Variants in MYO9B observed in about 807,000 individuals in gnomAD.
MYO9B encodes myosin IXB, also known as unconventional myosin-IXb.
A neutral mutation model predicts 229.5 loss-of-function variants in MYO9B; 71 were observed. The observed-to-expected ratio is 0.31, with a 90% confidence interval of 0.26 to 0.38. The LOEUF (loss-of-function observed/expected upper bound fraction) is 0.38, where lower values mean the gene tolerates loss of function less well. Among genes scored for constraint, MYO9B ranks in the 10% least tolerant of loss-of-function variants. The pLI, the probability that MYO9B is intolerant of heterozygous loss-of-function variation, is 1.00. For synonymous variants in MYO9B, 1,185 were observed against 1,235.8 expected (o/e 0.96, Z 0.86); for missense variants, 2,255 against 2,920.5 (o/e 0.77, Z 5.25).
At chr19:17,118,330 C>G (rs1281634715) in intron 2 of MYO9B, among the ~76,000 whole-genome samples, 2 of 151,350 alleles carry the variant, frequency 1.3e-5, no homozygotes, top group Non-Finnish European at 2.9e-5. Context: ...GGCCGGGAGC[C>G]ATGGCTCACG....
In MYO9B at chr19:17,195,355, G is replaced by C. The variant is rs775579348; in HGVS notation, c.3928G>C (p.Val1310Leu). 6.2e-7 allele frequency: 1 copy of C among 1,612,038 alleles called. No individual in the cohort carries two copies. Among genetic ancestry groups the C allele is most frequent in the Non-Finnish European group, 8.5e-7 (1 of 1,179,652 alleles). ...GGACGCCGAGCGGCTGGCCAGCGCCGTGGAACTGTGGCGGGGCAAGAAGCT... is the reference window on the plus strand; with the variant it reads ...GGACGCCGAGCGGCTGGCCAGCGCCCTGGAACTGTGGCGGGGCAAGAAGCT... Reference protein sequence around the residue: ...YLDAERLASAVELWRGKKLVA... With the variant: ...YLDAERLASALELWRGKKLVA... The change falls in exon 22 of 40, where the codon GTG becomes CTG. Residue 1310 changes from valine to leucine, a missense_variant. By Grantham distance (32) the Val-to-Leu change is conservative. Transcript: ENST00000682292. The surrounding 1 kb of genome is among the most constrained non-coding windows in gnomAD (Gnocchi z 4.5).
rs866396001 is a variant in MYO9B, at chr19:17,132,559, C to T, written c.841-12838C>T. ...TTTTTTTTTTTTTGAGACAGAGTCT[C>T]GCTCTGTCGCCCAGGCTGAAGTGCA... is the stretch of plus-strand genomic sequence containing the variant. On this transcript the variant is annotated intron_variant, in intron 2 of 39. Coordinates refer to ENST00000682292, the MANE Select transcript of MYO9B (RefSeq NM_004145.4). 2.6e-3 allele frequency among the ~76,000 whole-genome samples: 310 copies of T among 119,164 alleles called. 1 individual carries two copies. Among genetic ancestry groups the T allele is most frequent in the Middle Eastern group, 0.014 (2 of 138 alleles). The allele number at this position is 119,164 out of a possible 152,430, so 78.2% of individuals were successfully genotyped here. A position where few individuals can be genotyped will look rare whatever the true frequency, so the allele number is the denominator to read the frequency against.
chr19:17,129,398 TCAACAACAA>T (rs145485118), intron 2 of MYO9B, among the ~76,000 whole-genome samples: 3 of 151,702 alleles, frequency 2.0e-5, no homozygotes, highest in Non-Finnish European at 2.9e-5. Flanking sequence ...CGAGACAGTT[TCAACAACAA>T]CAACAACAAC....
chr19:17,137,243 A>G (rs1300967809), intron 2 of MYO9B, among the ~76,000 whole-genome samples: 1 of 144,670 alleles, frequency 6.9e-6, no homozygotes, highest in African/African-American at 2.6e-5. Context: ...AAAAAAAAAA[A>G]GCCAGGTGCG....
chr19:17,201,188 G>A (rs565669997), intron 26 of MYO9B, among the ~76,000 whole-genome samples: 1 of 152,278 alleles, frequency 6.6e-6, no homozygotes, highest in Admixed American at 6.5e-5. Context: ...AGCCACGATC[G>A]CAGCACTGCA....
intron 1 of MYO9B, among the ~76,000 whole-genome samples, chr19:17,076,810 C>T (rs773516568): frequency 2.0e-5 from 3 of 152,168 alleles, no homozygotes; most frequent in Non-Finnish European, 4.4e-5. Flanking sequence ...AGTGTGCATG[C>T]ACCCTCATGT....
intron 32 of MYO9B, 23 bp from the exon 33 acceptor site, chr19:17,206,225 G>GTGGGGCCCC: frequency 4.5e-6 from 7 of 1,564,670 alleles, no homozygotes; most frequent in East Asian, 2.4e-5. Context: ...CCGCTCACCA[G>GTGGGGCCCC]ACCCACCCCA....
intron 1 of MYO9B, among the ~76,000 whole-genome samples, chr19:17,099,612 G>C (rs916547019): frequency 6.6e-6 from 1 of 152,070 alleles, no homozygotes; most frequent in Admixed American, 6.5e-5. Context: ...TCAGGAGATA[G>C]AGACCATCCT....
Position 17,200,843 on chromosome 19 carries a change from G to A in MYO9B, c.4563+14G>A. 1 of 1,611,824 alleles carries A rather than the reference G, an allele frequency of 6.2e-7. No individual in the cohort carries two copies. The highest frequency in any genetic ancestry group is 1.1e-5 in the South Asian group (1 of 90,994). ...CTGCTCAACAAGGTGGGATCACTAG[G>A]CGAGGGCCAGGGGCATGAGGCCCGG... On this transcript the variant is annotated intron_variant, in intron 26 of 39. Transcript: ENST00000682292.
Position 17,117,074 on chromosome 19 carries a change from G to A in MYO9B, c.840+14517G>A, listed in dbSNP as rs565536591. ...GAGAAAGTTGATTAAAAGCTGAAGTGTAAGGTCTGGGACACCCCTGCCACA... is the reference window on the plus strand; with the variant it reads ...GAGAAAGTTGATTAAAAGCTGAAGTATAAGGTCTGGGACACCCCTGCCACA... On this transcript the variant is annotated intron_variant, in intron 2 of 39. Transcript: ENST00000682292. Among the ~76,000 whole-genome samples the A allele has an allele frequency of 3.9e-5, 6 of 152,278 alleles. No homozygotes were observed. The South Asian group carries it at 1.0e-3, about 26-fold the overall frequency.
chr19:17,099,428 A>G (rs1377699836), intron 1 of MYO9B: 2 of 152,064 alleles, frequency 1.3e-5, no homozygotes, highest in South Asian at 2.1e-4. Context: ...GATGTTCACT[A>G]TTCAGGCAAT....
intron 2 of MYO9B, among the ~76,000 whole-genome samples, chr19:17,134,038 G>T (rs2072235853): frequency 6.6e-6 from 1 of 152,200 alleles, no homozygotes; most frequent in Non-Finnish European, 1.5e-5. Context: ...TGGGATTACA[G>T]GCGTGAGCCA....
intron 19 of MYO9B, among the ~76,000 whole-genome samples, chr19:17,189,786 G>C (rs143268533): frequency 0.017 from 2,565 of 151,894 alleles, 71 homozygotes; most frequent in African/African-American, 0.058. Context: ...ACTGTTGGCT[G>C]GGCGCAGTGG....
intron 3 of MYO9B, among the ~76,000 whole-genome samples, chr19:17,148,106 A>G (rs1402447553): frequency 6.6e-6 from 1 of 152,128 alleles, no homozygotes; most frequent in South Asian, 2.1e-4. Flanking sequence ...CCGTGGGTCC[A>G]TCTTTTGCAC....
chr19:17,122,028 C>T (rs1020759273), intron 2 of MYO9B, among the ~76,000 whole-genome samples: 1 of 151,764 alleles, frequency 6.6e-6, no homozygotes, highest in Non-Finnish European at 1.5e-5. Flanking sequence ...TGTTCAAGTC[C>T]CTGTGGTTTG....
intron 2 of MYO9B, among the ~76,000 whole-genome samples, chr19:17,114,417 G>C (rs79869295): frequency 0.062 from 9,363 of 151,966 alleles, 308 homozygotes; most frequent in South Asian, 0.11. Flanking sequence ...CCCAGGGGAC[G>C]GTCACTGCTC....
At chr19:17,208,088 G>C (rs73506259) in intron 35 of MYO9B, 1 of 151,978 alleles carries the variant, frequency 6.6e-6, no homozygotes, top group African/African-American at 2.4e-5. Context: ...GGAGGTGGAG[G>C]CTACATTGAG....
At chr19:17,158,828 C>G (rs2072566279) in intron 7 of MYO9B, among the ~76,000 whole-genome samples, 1 of 152,206 alleles carries the variant, frequency 6.6e-6, no homozygotes, top group African/African-American at 2.4e-5. Context: ...CATACACATA[C>G]CCGGGCCACG....
At chr19:17,122,487 AG>A (rs1381258818) in intron 2 of MYO9B, among the ~76,000 whole-genome samples, 2 of 152,212 alleles carry the variant, frequency 1.3e-5, no homozygotes, top group African/African-American at 4.8e-5. Context: ...TCTGCACTCC[AG>A]CCTGGGCAAC....
Sources: allele counts gnomAD v4.1 joint callset (sites outside exome capture counted in the v4.1 genomes callset), GRCh38; gene constraint gnomAD v4.1.1; non-coding constraint Gnocchi (gnomAD v3.1); transcripts MANE v1.5; gene names NCBI Gene and HGNC (gene_info 2026-07-23, HGNC 2026-07-21).